Variants in LAMC2 observed in about 807,000 individuals in gnomAD.
The protein encoded by LAMC2 is laminin subunit gamma-2.
Under a neutral mutation model 140.2 loss-of-function variants are expected in LAMC2, and 97 were observed. The ratio of observed to expected loss-of-function variants is 0.69; its 90% CI spans 0.59 to 0.82. LAMC2 has a LOEUF of 0.82. Among genes scored for constraint, LAMC2 ranks in the 40% least tolerant of loss-of-function variants. The probability of loss-of-function intolerance (pLI) is 0.00; values close to 1 mark genes in which losing one functional copy is unlikely to be tolerated. For missense variants in LAMC2, 1,402 were observed against 1,476.1 expected, an observed-to-expected ratio of 0.95 and a Z score of 0.82; for synonymous variants, 513 against 540.2, an observed-to-expected ratio of 0.95 and a Z score of 0.70.
intron 3 of LAMC2, among the ~76,000 whole-genome samples, chr1:183,216,679 C>T (rs1296988487): frequency 6.6e-6 from 1 of 152,152 alleles, no homozygotes; most frequent in South Asian, 2.1e-4. Context: ...CTGCAGCAGT[C>T]CCACCCCTCT....
the LAMC2 span, among the ~76,000 whole-genome samples, chr1:183,256,648 C>T: frequency 6.6e-6 from 1 of 152,152 alleles, no homozygotes; most frequent in Non-Finnish European, 1.5e-5. Flanking sequence ...GGGATAAATC[C>T]TACTTGATCA....
intron 5 of LAMC2, 78 bp downstream of exon 5, chr1:183,221,039 T>C: frequency 7.6e-7 from 1 of 1,309,202 alleles, no homozygotes; most frequent in Middle Eastern, 1.9e-4. Flanking sequence ...CACCTCCGCA[T>C]TCACAGGATG....
chr1:183,225,322 T>C (rs987545217), intron 7 of LAMC2, among the ~76,000 whole-genome samples: 5 of 152,160 alleles, frequency 3.3e-5, no homozygotes, highest in African/African-American at 9.6e-5. Flanking sequence ...GAATAGAAAG[T>C]GGTGTCTGAG....
intron 1 of LAMC2, 114 bp downstream of exon 1, chr1:183,186,545 G>A (rs1658157740): frequency 8.3e-7 from 1 of 1,197,676 alleles, no homozygotes; most frequent in Non-Finnish European, 1.2e-6. Context: ...CCAGAAACTT[G>A]TTAGAGCTCC....
intron 22 of LAMC2, among the ~76,000 whole-genome samples, chr1:183,242,320 C>G (rs1470259126): frequency 6.6e-6 from 1 of 152,196 alleles, no homozygotes; most frequent in East Asian, 1.9e-4. Flanking sequence ...TGTGTGCTCT[C>G]TTAAGTCCTG....
At chr1:183,248,451 C>T (rs199616437), downstream of LAMC2, 13 of 152,698 alleles carry the variant, frequency 8.5e-5, no homozygotes, top group African/African-American at 2.4e-4. Flanking sequence ...TTCAAAAAAG[C>T]TTCCCCCTCC....
At chr1:183,202,109 G>A (rs532881205) in intron 1 of LAMC2, among the ~76,000 whole-genome samples, 1 of 151,934 alleles carries the variant, frequency 6.6e-6, no homozygotes, top group Non-Finnish European at 1.5e-5. Flanking sequence ...CATGAGAATC[G>A]CTTGAACCTG....
At position 183,223,322 on chromosome 1, in the gene LAMC2, C is replaced by T. The variant is rs1309226525; in HGVS notation, c.951C>T (p.Phe317=). 6.2e-7 allele frequency: 1 copy of T among 1,614,102 alleles called. No individual in the cohort carries two copies. Among genetic ancestry groups the T allele is most frequent in the Non-Finnish European group, 8.5e-7 (1 of 1,179,958 alleles). ...GTGGGCTCACCAAGACTTACACATT[C>T]AGGTAAAAAGAGAGACCATAAGTAG... ...LPCGLTKTYT[F]RLNEHPSNNW... is the part of the protein sequence containing the mutation. Residue 317 remains phenylalanine (F), a splice_region_variant and synonymous_variant, in exon 7 of 23, where the codon TTC becomes TTT. Coordinates refer to ENST00000264144, the MANE Select transcript of LAMC2 (RefSeq NM_005562.3).
At chr1:183,254,346 C>A in the LAMC2 span, among the ~76,000 whole-genome samples, 1 of 152,046 alleles carries the variant, frequency 6.6e-6, no homozygotes, top group Non-Finnish European at 1.5e-5. Context: ...AGTAATGTTG[C>A]GCATCTTTTT....
chr1:183,202,665 C>T (rs566942597), intron 1 of LAMC2, among the ~76,000 whole-genome samples: 21 of 152,312 alleles, frequency 1.4e-4, no homozygotes, highest in African/African-American at 4.8e-4. Flanking sequence ...ACTTTCTACC[C>T]TCCTTCCCAC....
Position 183,228,451 on chromosome 1 carries a change from C to T in LAMC2, c.1546C>T (p.Pro516Ser). ...ACATGGCCCAGTGAGGCCTTGTCAG[C>T]CCTGTCAATGCAACAACAATGTGGA... ...GEHGPVRPCQ[P>S]CQCNNNVDPS... is the part of the protein sequence containing the mutation. Residue 516 changes from proline to serine, a missense_variant, in exon 11 of 23, where the codon CCC (proline) becomes TCC (serine). Pro to Ser is a moderately conservative substitution (Grantham distance 74). Transcript: ENST00000264144. The surrounding 1 kb of genome is among the most constrained non-coding windows in gnomAD (Gnocchi z 4.3). The T allele has an allele frequency of 6.2e-7, 1 of 1,613,948 alleles. No homozygotes were observed. The highest frequency in any genetic ancestry group is 8.5e-7 in the Non-Finnish European group (1 of 1,180,004).
chr1:183,236,752 A>C, intron 17 of LAMC2, 148 bp downstream of exon 17: 2 of 950,334 alleles, frequency 2.1e-6, no homozygotes, highest in Non-Finnish European at 1.7e-6. Flanking sequence ...TAGCCTTCTC[A>C]TTACCCATTT....
rs562342482 is a variant in LAMC2 at position 183,238,488 on chromosome 1, A to G, written c.2869+67A>G. The G allele has an allele frequency of 1.5e-5, 15 of 975,210 alleles. No individual in the cohort carries two copies. The East Asian group carries it at 3.3e-4, about 22-fold the overall frequency. 60.4% of individuals were successfully genotyped at this position (975,210 alleles called of 1,614,324 possible). On this transcript the variant is annotated intron_variant, in intron 19 of 22. Transcript: ENST00000264144. ...TATAGTCATGACCAATTTCCTTTGAATTCTCATATGTCTCTCTAAGTGGCA... is the reference window on the plus strand; with the variant it reads ...TATAGTCATGACCAATTTCCTTTGAGTTCTCATATGTCTCTCTAAGTGGCA...
intron 1 of LAMC2, among the ~76,000 whole-genome samples, chr1:183,195,352 C>T (rs915272357): frequency 1.3e-5 from 2 of 152,130 alleles, no homozygotes; most frequent in Admixed American, 1.3e-4. Context: ...CCTCTGAAGC[C>T]ATAATCATTC....
chr1:183,240,301 G>A lies in LAMC2; in HGVS notation c.3238G>A (p.Glu1080Lys), dbSNP rs377651555. Residue 1080 changes from glutamate (E) to lysine (K), a missense_variant, in exon 22 of 23, where the codon GAA (glutamate) becomes AAA (lysine). Glu to Lys is a moderately conservative substitution (Grantham distance 56). Transcript: ENST00000264144. ...NMDAVQMVIT[E>K]AQKVDTRAKN... ...GCTTATTTGTCCTCAGGTGATTACA[G>A]AAGCCCAGAAGGTTGATACCAGAGC... 19 of 1,614,090 alleles carry A rather than the reference G, an allele frequency of 1.2e-5. No homozygotes were observed. Among genetic ancestry groups the A allele is most frequent in the Non-Finnish European group, 1.4e-5 (17 of 1,180,040 alleles).
At chr1:183,215,408 A>G (rs1487867143) in intron 2 of LAMC2, 45 bp from the exon 3 acceptor site, 7 of 1,611,492 alleles carry the variant, frequency 4.3e-6, no homozygotes, top group Non-Finnish European at 5.9e-6. Flanking sequence ...ATACATTAAA[A>G]TATTTCTTCT....
rs769417187 is a variant in LAMC2 at position 183,238,436 on chromosome 1, G to A, written c.2869+15G>A. 6.5e-7 allele frequency: 1 copy of A among 1,546,438 alleles called. No individual in the cohort carries two copies. The highest frequency in any genetic ancestry group is 8.9e-7 in the Non-Finnish European group (1 of 1,118,218). Reference sequence around the variant, plus strand: ...AAACCTCAGAGGTTAGTACTTCATGGTTCAGGTCACTTGAGTATTTTAAGT... The same window carrying A: ...AAACCTCAGAGGTTAGTACTTCATGATTCAGGTCACTTGAGTATTTTAAGT... On this transcript the variant is annotated intron_variant, in intron 19 of 22. Coordinates refer to ENST00000264144, the MANE Select transcript of LAMC2 (RefSeq NM_005562.3).
At chr1:183,229,610 C>T (rs193202716) in intron 11 of LAMC2, among the ~76,000 whole-genome samples, 49 of 141,046 alleles carry the variant, frequency 3.5e-4, no homozygotes, top group Admixed American at 1.1e-3. Flanking sequence ...GCACTCCAGC[C>T]GGGCAACAGC....
rs34419587 is a variant in LAMC2 at position 183,236,519 on chromosome 1, T to C, written c.2516T>C (p.Ile839Thr). 3 of 1,613,288 alleles carry C rather than the reference T, an allele frequency of 1.9e-6. No individual in the cohort carries two copies. The highest frequency in any genetic ancestry group is 2.2e-5 in the East Asian group (1 of 44,872). Residue 839 changes from isoleucine to threonine, a missense_variant, in exon 17 of 23, where the codon ATT becomes ACT. This residue lies in a region of LAMC2 where 670 missense variants were observed against 667.2 expected (regional missense o/e 1.00). Coordinates refer to ENST00000264144, the MANE Select transcript of LAMC2 (RefSeq NM_005562.3). ...QLTREATQAEIEADRSYQHSL... is the reference protein window; with the variant it reads ...QLTREATQAETEADRSYQHSL... ...ACAAGGGAGGCCACTCAAGCGGAAA[T>C]TGAAGCAGATAGGTCTTATCAGCAC...
Sources: allele counts gnomAD v4.1 joint callset (sites outside exome capture counted in the v4.1 genomes callset), GRCh38; gene constraint gnomAD v4.1.1; regional missense constraint gnomAD v4.1.1; non-coding constraint Gnocchi (gnomAD v3.1); transcripts MANE v1.5; gene names NCBI Gene and HGNC (gene_info 2026-07-23, HGNC 2026-07-21).